ATXN1: variants seen among roughly 807,000 people sequenced by gnomAD.
ATXN1 encodes ataxin-1.
In ATXN1, 8 loss-of-function variants were observed where a neutral mutation model predicts 56.4. The ratio of observed to expected loss-of-function variants is 0.14; its 90% CI spans 0.08 to 0.26. The LOEUF (loss-of-function observed/expected upper bound fraction) is 0.26, where lower values mean the gene tolerates loss of function less well. Ranked by LOEUF, ATXN1 falls within the 10% of genes least tolerant of loss-of-function variation. The probability of loss-of-function intolerance (pLI) is 1.00; values close to 1 mark genes in which losing one functional copy is unlikely to be tolerated. For synonymous variants in ATXN1, 514 were observed against 494.6 expected (o/e 1.04, Z -0.52); for missense variants, 987 against 1,106.5 (o/e 0.89, Z 1.53).
At chr6:16,559,468 T>C (rs1353875127) in intron 4 of ATXN1, among the ~76,000 whole-genome samples, 1 of 152,178 alleles carries the variant, frequency 6.6e-6, no homozygotes, top group Non-Finnish European at 1.5e-5. Flanking sequence ...AATAAGGCTG[T>C]TCTATGTTCC....
At chr6:16,729,202 C>T (rs34675197) in intron 2 of ATXN1, among the ~76,000 whole-genome samples, 5,926 of 152,286 alleles carry the variant, frequency 0.039, 151 homozygotes, top group South Asian at 0.073. Context: ...ATGACCTCTG[C>T]CTTTTTTCTC....
At chr6:16,743,522 C>T (rs1760414394) in intron 2 of ATXN1, among the ~76,000 whole-genome samples, 1 of 152,200 alleles carries the variant, frequency 6.6e-6, no homozygotes, top group Admixed American at 6.5e-5. Context: ...CAATTTGTAA[C>T]ATAAGCATCA....
At chr6:16,530,742 T>C in intron 4 of ATXN1, among the ~76,000 whole-genome samples, 1 of 152,212 alleles carries the variant, frequency 6.6e-6, no homozygotes, top group Admixed American at 6.5e-5. Context: ...CACGTACATC[T>C]GAACTTAAAA....
chr6:16,678,154 T>C (rs555449284), intron 2 of ATXN1, among the ~76,000 whole-genome samples: 3 of 152,366 alleles, frequency 2.0e-5, no homozygotes, highest in Non-Finnish European at 4.4e-5. Flanking sequence ...TTAACTCTTC[T>C]ATGGCAGAAA....
intron 7 of ATXN1, among the ~76,000 whole-genome samples, chr6:16,320,401 G>A (rs959145325): frequency 1.4e-4 from 21 of 151,020 alleles, no homozygotes; most frequent in African/African-American, 4.9e-4. Context: ...CAGTCACCTC[G>A]GGAGGCGCTG....
At chr6:16,663,874 G>A (rs1758374495) in intron 2 of ATXN1, among the ~76,000 whole-genome samples, 1 of 151,952 alleles carries the variant, frequency 6.6e-6, no homozygotes, top group South Asian at 2.1e-4. Context: ...TCTTTATTTT[G>A]GTCTGACTCT....
intron 6 of ATXN1, among the ~76,000 whole-genome samples, chr6:16,379,273 T>C (rs924413231): frequency 6.6e-6 from 1 of 150,976 alleles, no homozygotes; most frequent in African/African-American, 2.4e-5. Flanking sequence ...AGAGTGGGAG[T>C]GGGGAGAGGG....
At chr6:16,348,408 G>A (rs1006383295) in intron 6 of ATXN1, among the ~76,000 whole-genome samples, 1 of 152,102 alleles carries the variant, frequency 6.6e-6, no homozygotes, top group Non-Finnish European at 1.5e-5. Context: ...AGAAAATGAA[G>A]ATAGTATGGC....
chr6:16,343,818 CA>C (rs780213591), intron 6 of ATXN1, among the ~76,000 whole-genome samples: 11 of 152,268 alleles, frequency 7.2e-5, no homozygotes, highest in Non-Finnish European at 1.3e-4. Flanking sequence ...AGGCTGAAAG[CA>C]ACCACAGATA....
chr6:16,584,458 A>G (rs916868788), intron 4 of ATXN1, among the ~76,000 whole-genome samples: 1 of 151,942 alleles, frequency 6.6e-6, no homozygotes, highest in Non-Finnish European at 1.5e-5. Flanking sequence ...GTGATTTCAT[A>G]GTTGTCTAAA....
At chr6:16,634,479 T>G (rs1360443733) in intron 3 of ATXN1, among the ~76,000 whole-genome samples, 1 of 152,228 alleles carries the variant, frequency 6.6e-6, no homozygotes, top group Non-Finnish European at 1.5e-5. Flanking sequence ...CTCAAATGTT[T>G]TTTAGTATAG....
intron 2 of ATXN1, among the ~76,000 whole-genome samples, chr6:16,698,451 T>C (rs1327344403): frequency 6.6e-6 from 1 of 152,118 alleles, no homozygotes; most frequent in Non-Finnish European, 1.5e-5. Context: ...TTTGCTAAAG[T>C]GGATTAAAAC....
chr6:16,613,335 T>C (rs1051501512), intron 3 of ATXN1, among the ~76,000 whole-genome samples: 1 of 150,192 alleles, frequency 6.7e-6, no homozygotes, highest in African/African-American at 2.4e-5. Flanking sequence ...AGTAAGTCTA[T>C]CTTATTTTTG....
intron 6 of ATXN1, among the ~76,000 whole-genome samples, chr6:16,334,077 C>T (rs1483653761): frequency 1.3e-5 from 2 of 152,156 alleles, no homozygotes; most frequent in African/African-American, 4.8e-5. Flanking sequence ...CAGTGTGAAG[C>T]AAATGGTATG....
intron 5 of ATXN1, among the ~76,000 whole-genome samples, chr6:16,505,674 G>A (rs1045811122): frequency 3.3e-5 from 5 of 152,098 alleles, no homozygotes; most frequent in African/African-American, 4.8e-5. Context: ...TTAAATTTCC[G>A]GAAATATTGT....
intron 6 of ATXN1, among the ~76,000 whole-genome samples, chr6:16,403,353 TA>T (rs879757883): frequency 1.1e-3 from 162 of 152,344 alleles, no homozygotes; most frequent in Non-Finnish European, 2.0e-3. Flanking sequence ...TCAAGCTCTT[TA>T]AAAAAAAATT....
chr6:16,670,846 T>G (rs1027977120), intron 2 of ATXN1, among the ~76,000 whole-genome samples: 1 of 152,238 alleles, frequency 6.6e-6, no homozygotes, highest in Admixed American at 6.5e-5. Flanking sequence ...GATATGAATA[T>G]GAATTTTACC....
In ATXN1 at chr6:16,306,170, C is replaced by A; in HGVS notation, c.*159G>T. On this transcript the variant is annotated 3_prime_UTR_variant, in exon 8 of 8. Coordinates refer to ENST00000436367, the MANE Select transcript of ATXN1 (RefSeq NM_001128164.2). This position sits in a 1 kb window ranked among gnomAD's most constrained non-coding sequence, Gnocchi z 5.2. ...TCGTGGAAAAAGCATATGCACCAGT[C>A]TCCTGCGACACACCTGCTGTAACTC... 1 of 931,338 alleles carries A rather than the reference C, an allele frequency of 1.1e-6. No homozygotes were observed. The highest frequency in any genetic ancestry group is 1.6e-6 in the Non-Finnish European group (1 of 629,596). The allele number at this position is 931,338 out of a possible 1,614,324, so 57.7% of individuals were successfully genotyped here.
intron 4 of ATXN1, among the ~76,000 whole-genome samples, chr6:16,564,275 G>C (rs966937627): frequency 2.0e-5 from 3 of 151,792 alleles, no homozygotes; most frequent in African/African-American, 4.9e-5. Flanking sequence ...GGTAAGAAGA[G>C]AGAGGAGGCC....
Sources: allele counts gnomAD v4.1 joint callset (sites outside exome capture counted in the v4.1 genomes callset), GRCh38; gene constraint gnomAD v4.1.1; non-coding constraint Gnocchi (gnomAD v3.1); transcripts MANE v1.5; gene names NCBI Gene and HGNC (gene_info 2026-07-23, HGNC 2026-07-21).